HNRNPL: variants seen among roughly 807,000 people sequenced by gnomAD.
HNRNPL encodes heterogeneous nuclear ribonucleoprotein L.
HNRNPL carries 12 observed loss-of-function variants against 64.0 expected under a neutral mutation model. The observed-to-expected ratio is 0.19, with a 90% confidence interval of 0.12 to 0.30. The LOEUF is 0.30. Ranked by LOEUF, HNRNPL falls within the 10% of genes least tolerant of loss-of-function variation. HNRNPL has a pLI of 1.00. For missense variants in HNRNPL, 484 were observed against 797.4 expected, an observed-to-expected ratio of 0.61 and a Z score of 4.73; for synonymous variants, 385 against 313.0, an observed-to-expected ratio of 1.23 and a Z score of -2.43.
At position 38,847,103 on chromosome 19, in the gene HNRNPL, TACAAGGCAGAGGAAAAA is replaced by T; in HGVS notation, c.386+196_386+212del. 4.0e-5 allele frequency among the ~76,000 whole-genome samples: 6 copies of T among 151,826 alleles called. No homozygotes were observed. In the South Asian group the frequency reaches 1.2e-3, roughly 32 times the overall value. ...GAAAAAGAGAACACTGACTAGAAACTACAAGGCAGAGGAAAAACGAAGGAAGGAAAAAGGGTCATGGA... is the reference window on the plus strand; with the variant it reads ...GAAAAAGAGAACACTGACTAGAAACTCGAAGGAAGGAAAAAGGGTCATGGA... On this transcript the variant is annotated intron_variant, in intron 2 of 12. Coordinates refer to ENST00000221419, the MANE Select transcript of HNRNPL (RefSeq NM_001533.3).
rs1045510202 is a variant in HNRNPL, at chr19:38,840,123, G to A, written c.1206C>T (p.Val402=). Residue 402 remains valine, a synonymous_variant, in exon 8 of 13, where the codon GTC becomes GTT. Transcript: ENST00000221419. ...SKMNCDRVFN[V]FCLYGNVEKV... The stretch of plus-strand genomic sequence containing the variant: ...TCTCCACATTGCCATATAAGCAGAA[G>A]ACATTGAAGACTCGGTCACAGTTCA... 4 of 1,592,776 alleles carry A rather than the reference G, an allele frequency of 2.5e-6. No homozygotes were observed. The highest frequency in any genetic ancestry group is 1.7e-5 in the Admixed American group (1 of 58,070).
intron 1 of HNRNPL, 95 bp downstream of exon 1, chr19:38,849,605 T>C (rs1410877245): frequency 7.8e-6 from 10 of 1,275,552 alleles, no homozygotes; most frequent in Non-Finnish European, 9.9e-6. Flanking sequence ...CCTGGGCGCG[T>C]GCGCAGAGGC....
intron 1 of HNRNPL, among the ~76,000 whole-genome samples, chr19:38,848,535 C>T (rs1487954060): frequency 6.6e-6 from 1 of 152,220 alleles, no homozygotes; most frequent in Non-Finnish European, 1.5e-5. Flanking sequence ...CTCTCCTGGG[C>T]TCTGGGGCCG....
upstream of HNRNPL, among the ~76,000 whole-genome samples, chr19:38,852,086 C>A (rs1972517668): frequency 6.7e-6 from 1 of 148,490 alleles, no homozygotes; most frequent in Non-Finnish European, 1.5e-5. Flanking sequence ...ACGCCCCTCG[C>A]GCCGGCGCGC....
rs1255294810 is a variant in HNRNPL at position 38,840,412 on chromosome 19, G to A, written c.953-36C>T. ...GGAAGGAAAGAGAGGGAGGACGGGT[G>A]AGAATTTGCACGGCGGGCGGCGGGC... On this transcript the variant is annotated intron_variant, in intron 7 of 12. Coordinates refer to ENST00000221419, the MANE Select transcript of HNRNPL (RefSeq NM_001533.3). The A allele has an allele frequency of 3.2e-6, 5 of 1,568,618 alleles. No individual in the cohort carries two copies. In the East Asian group the frequency reaches 6.8e-5, roughly 21 times the overall value.
At chr19:38,838,320 GA>G in intron 10 of HNRNPL, 76 bp downstream of exon 10, 1 of 1,260,560 alleles carries the variant, frequency 7.9e-7, no homozygotes, top group Non-Finnish European at 1.1e-6. Context: ...GCTATTTGCA[GA>G]AAAGACTGAA....
intron 6 of HNRNPL, chr19:38,841,525 A>G (rs1972118163): frequency 1.7e-6 from 1 of 595,410 alleles, no homozygotes. Flanking sequence ...GTTACCAGTC[A>G]TTACAAAATG....
intron 9 of HNRNPL, 89 bp from the exon 10 acceptor site, chr19:38,838,687 T>C: frequency 7.1e-7 from 1 of 1,401,792 alleles, no homozygotes; most frequent in African/African-American, 1.4e-5. Context: ...TAGCTTGCCC[T>C]GTGTGCCTTG....
intron 4 of HNRNPL, 87 bp from the exon 5 acceptor site, chr19:38,844,191 A>G: frequency 1.2e-6 from 1 of 810,350 alleles, no homozygotes; most frequent in Non-Finnish European, 2.1e-6. Context: ...ACAAGGTAGC[A>G]CCCCAAGACT....
chr19:38,836,967 C>T (rs1971949519), intron 12 of HNRNPL, 187 bp from the exon 13 acceptor site: 2 of 565,368 alleles, frequency 3.5e-6, no homozygotes, highest in South Asian at 2.4e-5. Flanking sequence ...CCTTCTCTTC[C>T]TTCATTCCCA....
rs1971928234 is a variant in HNRNPL at position 38,836,370 on chromosome 19, TC to T, written c.*351del. On this transcript the variant is annotated 3_prime_UTR_variant, in exon 13 of 13. Coordinates refer to ENST00000221419, the MANE Select transcript of HNRNPL (RefSeq NM_001533.3). Reference sequence around the variant, plus strand: ...GGACAGAGAGGGAGAAAAGCAGACATCCTGGAATCCCAGCAAGTGCTGTGTT... The same window carrying T: ...GGACAGAGAGGGAGAAAAGCAGACATCTGGAATCCCAGCAAGTGCTGTGTT... 1 of 199,896 alleles carries T rather than the reference TC, an allele frequency of 5.0e-6. No homozygotes were observed. The highest frequency in any genetic ancestry group is 1.0e-5 in the Non-Finnish European group (1 of 96,312). The allele number at this position is 199,896 out of a possible 1,614,324, so 12.4% of individuals were successfully genotyped here. A position where few individuals can be genotyped will look rare whatever the true frequency, so the allele number is the denominator to read the frequency against.
At chr19:38,851,867 G>T (rs1299065809), upstream of HNRNPL, among the ~76,000 whole-genome samples, 1 of 152,130 alleles carries the variant, frequency 6.6e-6, no homozygotes, top group Non-Finnish European at 1.5e-5. Flanking sequence ...ACCTCGGTCA[G>T]CTCCCCCGGA....
At chr19:38,844,830 G>C (rs1363380248) in intron 4 of HNRNPL, 1 of 151,594 alleles carries the variant, frequency 6.6e-6, no homozygotes, top group Non-Finnish European at 1.5e-5. Flanking sequence ...TCCTGCCTCA[G>C]CCTCCAGAGT....
rs1971935141 is a variant in HNRNPL at position 38,836,597 on chromosome 19, TTAA to T, written c.*122_*124del. On this transcript the variant is annotated 3_prime_UTR_variant, in exon 13 of 13. Coordinates refer to ENST00000221419, the MANE Select transcript of HNRNPL (RefSeq NM_001533.3). ...AAGTAAGCCTCTACAAACCTAGCAT[TTAA>T]AAAAAAAAAAAAAAAAAAAAAAAAG... 1.3e-5 allele frequency: 6 copies of T among 451,668 alleles called. No homozygotes were observed. The highest frequency in any genetic ancestry group is 1.2e-4 in the African/African-American group (3 of 25,606). The allele number at this position is 451,668 out of a possible 1,614,324, so 28.0% of individuals were successfully genotyped here.
chr19:38,836,608 A>G lies in HNRNPL; in HGVS notation c.*114T>C, dbSNP rs1971936520. On this transcript the variant is annotated 3_prime_UTR_variant, in exon 13 of 13. Coordinates refer to ENST00000221419, the MANE Select transcript of HNRNPL (RefSeq NM_001533.3). ...TACAAACCTAGCATTTAAAAAAAAA[A>G]AAAAAAAAAAAAAAAAGGAATACAA... The G allele has an allele frequency of 2.3e-6, 1 of 441,874 alleles. No homozygotes were observed. Among genetic ancestry groups the G allele is most frequent in the Non-Finnish European group, 3.8e-6 (1 of 261,072 alleles). 27.4% of individuals were successfully genotyped at this position (441,874 alleles called of 1,614,324 possible).
In HNRNPL at chr19:38,838,457, G is replaced by A. The variant is rs149914653; in HGVS notation, c.1497C>T (p.Pro499=). ...EQAAKNRIQH[P]SNVLHFFNAP... ...CGTTGAAGAAGTGCAGCACGTTGCTGGGGTGCTGGATGCGGTTCTTGGCTG... is the reference window on the plus strand; with the variant it reads ...CGTTGAAGAAGTGCAGCACGTTGCTAGGGTGCTGGATGCGGTTCTTGGCTG... The change falls in exon 10 of 13, where the codon CCC becomes CCT. Residue 499 remains proline, a synonymous_variant. Coordinates refer to ENST00000221419, the MANE Select transcript of HNRNPL (RefSeq NM_001533.3). The A allele has an allele frequency of 6.2e-7, 1 of 1,613,986 alleles. No homozygotes were observed. The highest frequency in any genetic ancestry group is 8.5e-7 in the Non-Finnish European group (1 of 1,179,948).
chr19:38,840,441 G>A lies in HNRNPL; in HGVS notation c.952+47C>T, dbSNP rs563117450. ...ATTTGCACGGCGGGCGGCGGGCAGGGGCACATGAGCCACGGGAGTCCACGG... is the reference window on the plus strand; with the variant it reads ...ATTTGCACGGCGGGCGGCGGGCAGGAGCACATGAGCCACGGGAGTCCACGG... On this transcript the variant is annotated intron_variant, in intron 7 of 12. Coordinates refer to ENST00000221419, the MANE Select transcript of HNRNPL (RefSeq NM_001533.3). The A allele has an allele frequency of 1.5e-5, 24 of 1,558,924 alleles. No individual in the cohort carries two copies. In the East Asian group the frequency reaches 4.6e-4, roughly 30 times the overall value.
chr19:38,845,868 A>C lies in HNRNPL; in HGVS notation c.609T>G (p.Ile203Met). 1 of 1,613,986 alleles carries C rather than the reference A, an allele frequency of 6.2e-7. No individual in the cohort carries two copies. Reference protein sequence around the residue: ...SVLLFTILNPIYSITTDVLYT... With the variant: ...SVLLFTILNPMYSITTDVLYT... The stretch of plus-strand genomic sequence containing the variant: ...TGGCACGTACCGTGGTGATCGAATA[A>C]ATGGGGTTCAGGATGGTAAAGAGAA... The change falls in exon 3 of 13, where the codon ATT (isoleucine) becomes ATG (methionine). Residue 203 changes from isoleucine to methionine, a missense_variant. By Grantham distance (10) the Ile-to-Met change is conservative. Coordinates refer to ENST00000221419, the MANE Select transcript of HNRNPL (RefSeq NM_001533.3).
At position 38,838,460 on chromosome 19, in the gene HNRNPL, G is replaced by A. The variant is rs147590432; in HGVS notation, c.1494C>T (p.His498=). 2.7e-5 allele frequency: 43 copies of A among 1,614,134 alleles called. No homozygotes were observed. The African/African-American group carries it at 3.3e-4, about 13-fold the overall frequency. Residue 498 remains histidine, a synonymous_variant, in exon 10 of 13, where the codon CAC becomes CAT. Transcript: ENST00000221419. ...TGAAGAAGTGCAGCACGTTGCTGGG[G>A]TGCTGGATGCGGTTCTTGGCTGCCT... ...PEQAAKNRIQ[H]PSNVLHFFNA...
Sources: gnomAD v4.1 joint callset for allele counts (sites outside exome capture counted in the v4.1 genomes callset) on GRCh38, gnomAD v4.1.1 for gene constraint, MANE v1.5 for transcripts, NCBI Gene and HGNC (gene_info 2026-07-23, HGNC 2026-07-21) for gene names.